PIK3C2G: variants seen among roughly 807,000 people sequenced by gnomAD.
PIK3C2G encodes the protein phosphatidylinositol-4-phosphate 3-kinase catalytic subunit type 2 gamma, also known as phosphatidylinositol 3-kinase C2 domain-containing subunit gamma.
Under a neutral mutation model 181.1 loss-of-function variants are expected in PIK3C2G, and 168 were observed. That is an observed-to-expected ratio of 0.93 (90% CI 0.82 to 1.05). The LOEUF is 1.05. Among genes scored for constraint, PIK3C2G ranks in the 50% least tolerant of loss-of-function variants. The pLI is 0.00. For synonymous variants in PIK3C2G, 573 were observed against 592.2 expected, an observed-to-expected ratio of 0.97 and a Z score of 0.47; for missense variants, 1,869 against 1,732.8, an observed-to-expected ratio of 1.08 and a Z score of -1.40.
intron 25 of PIK3C2G, among the ~76,000 whole-genome samples, chr12:18,544,184 G>C (rs1469865236): frequency 4.0e-5 from 6 of 151,814 alleles, no homozygotes; most frequent in Non-Finnish European, 8.8e-5. Context: ...GCATGGGCAT[G>C]ATGTGTAGTA....
chr12:18,714,043 C>A, the PIK3C2G span, among the ~76,000 whole-genome samples: 1 of 152,158 alleles, frequency 6.6e-6, no homozygotes, highest in Admixed American at 6.5e-5. Flanking sequence ...TGAATAAAAG[C>A]AAATAGGGAT....
chr12:18,647,556 G>A (rs1411593501), intron 32 of PIK3C2G, among the ~76,000 whole-genome samples: 5 of 151,782 alleles, frequency 3.3e-5, no homozygotes, highest in Non-Finnish European at 7.4e-5. Flanking sequence ...ACATATTTAT[G>A]GGGTATAAAA....
At chr12:18,699,215 C>G in the PIK3C2G span, among the ~76,000 whole-genome samples, 1 of 152,158 alleles carries the variant, frequency 6.6e-6, no homozygotes, top group African/African-American at 2.4e-5. Flanking sequence ...GGCGCCATTT[C>G]TTCCCCTTCC....
intron 12 of PIK3C2G, among the ~76,000 whole-genome samples, chr12:18,364,303 C>T (rs1164554506): frequency 1.3e-5 from 2 of 152,208 alleles, no homozygotes; most frequent in Non-Finnish European, 2.9e-5. Flanking sequence ...CAGTATTCCA[C>T]TTGCCCATCT....
chr12:18,313,212 G>A (rs1373954829), intron 5 of PIK3C2G, among the ~76,000 whole-genome samples: 2 of 152,210 alleles, frequency 1.3e-5, no homozygotes, highest in South Asian at 2.1e-4. Context: ...TAAGAAAAAT[G>A]TTGCAAAATA....
intron 13 of PIK3C2G, among the ~76,000 whole-genome samples, chr12:18,375,633 A>G (rs1942381808): frequency 6.6e-6 from 1 of 152,222 alleles, no homozygotes; most frequent in Non-Finnish European, 1.5e-5. Flanking sequence ...ACATATCTGC[A>G]TGACTGAAAA....
Position 18,378,084 on chromosome 12 carries a change from T to C in PIK3C2G, c.1881-3682T>C, listed in dbSNP as rs192896826. Among the ~76,000 whole-genome samples, 494 of 152,214 alleles carry C rather than the reference T, an allele frequency of 3.2e-3. 3 individuals carry two copies. The highest frequency in any genetic ancestry group is 3.3e-3 in the South Asian group (16 of 4,822). Reference sequence around the variant, plus strand: ...TCACTCTGCCACATGTGCCTCAGGGTTAAAGCCATGGTGACTGTTAATACA... The same window carrying C: ...TCACTCTGCCACATGTGCCTCAGGGCTAAAGCCATGGTGACTGTTAATACA... On this transcript the variant is annotated intron_variant, in intron 13 of 32. Transcript: ENST00000538779.
chr12:18,511,912 C>A (rs1009987159), intron 24 of PIK3C2G, among the ~76,000 whole-genome samples: 1 of 151,952 alleles, frequency 6.6e-6, no homozygotes, highest in African/African-American at 2.4e-5. Flanking sequence ...ATGGAGATTT[C>A]CCCTTATGTC....
chr12:18,549,328 T>A (rs1352798158), intron 26 of PIK3C2G, among the ~76,000 whole-genome samples: 1 of 152,038 alleles, frequency 6.6e-6, no homozygotes, highest in Non-Finnish European at 1.5e-5. Flanking sequence ...ACAAGCCCTA[T>A]TTAACAGAAA....
chr12:18,698,579 G>T, the PIK3C2G span, among the ~76,000 whole-genome samples: 2 of 152,056 alleles, frequency 1.3e-5, no homozygotes, highest in Admixed American at 1.3e-4. Flanking sequence ...CAAGTCAATT[G>T]CAGGTGCTGA....
At chr12:18,695,512 T>C in the PIK3C2G span, among the ~76,000 whole-genome samples, 148 of 152,238 alleles carry the variant, frequency 9.7e-4, no homozygotes, top group African/African-American at 3.1e-3. Flanking sequence ...AAGCAATAAT[T>C]GTCGTTACAA....
upstream of PIK3C2G, among the ~76,000 whole-genome samples, chr12:18,246,034 T>C (rs144223366): frequency 6.6e-6 from 1 of 152,318 alleles, no homozygotes; most frequent in African/African-American, 2.4e-5. Context: ...GTTAAGGTTT[T>C]AGCTGAGAAA....
the PIK3C2G span, chr12:18,719,380 G>T: frequency 8.9e-7 from 1 of 1,127,264 alleles, no homozygotes; most frequent in South Asian, 2.4e-5. Context: ...GACACTGCCA[G>T]GAACTTCCAA....
chr12:18,443,931 C>A (rs1946880577), intron 18 of PIK3C2G, among the ~76,000 whole-genome samples: 1 of 152,164 alleles, frequency 6.6e-6, no homozygotes, highest in Middle Eastern at 3.2e-3. Flanking sequence ...GCCACTTCAA[C>A]ATTCCCAATT....
At chr12:18,305,528 C>G (rs1950383479) in intron 5 of PIK3C2G, among the ~76,000 whole-genome samples, 1 of 151,992 alleles carries the variant, frequency 6.6e-6, no homozygotes, top group African/African-American at 2.4e-5. Flanking sequence ...CCCAAAAGCA[C>G]TGTCTATTTT....
chr12:18,717,327 T>C, the PIK3C2G span, among the ~76,000 whole-genome samples: 1 of 152,298 alleles, frequency 6.6e-6, no homozygotes, highest in Middle Eastern at 3.4e-3. Flanking sequence ...TCTAAATGAA[T>C]ACATTTCAAA....
At chr12:18,715,192 GGA>G in the PIK3C2G span, among the ~76,000 whole-genome samples, 629 of 8,912 alleles carry the variant, frequency 0.071, 142 homozygotes, top group African/African-American at 0.13. Flanking sequence ...GCGGAGGGAG[GGA>G]GAGAGAGAGA....
intron 15 of PIK3C2G, among the ~76,000 whole-genome samples, chr12:18,395,757 C>T (rs990726549): frequency 6.6e-6 from 1 of 150,706 alleles, no homozygotes; most frequent in African/African-American, 2.4e-5. Context: ...TAAACTGTTC[C>T]AAGTTTTTCA....
At chr12:18,696,038 C>T in the PIK3C2G span, 23 of 610,128 alleles carry the variant, frequency 3.8e-5, no homozygotes, top group East Asian at 6.9e-5. Flanking sequence ...CCAAAGCCCC[C>T]GGGCTAAAAA....
Sources: gnomAD v4.1 joint callset for allele counts (sites outside exome capture counted in the v4.1 genomes callset) on GRCh38, gnomAD v4.1.1 for gene constraint, MANE v1.5 for transcripts, NCBI Gene and HGNC (gene_info 2026-07-23, HGNC 2026-07-21) for gene names.